LRRC26: variants seen among roughly 807,000 people sequenced by gnomAD.
LRRC26 encodes leucine-rich repeat-containing protein 26.
LRRC26 carries 17 observed loss-of-function variants against 15.3 expected under a neutral mutation model. The observed-to-expected ratio is 1.11, with a 90% CI of 0.76 to 1.66. LRRC26 has a LOEUF of 1.66. Ranked by LOEUF, LRRC26 falls within the 40% of genes most tolerant of loss-of-function variation. The pLI is 0.00. For synonymous variants in LRRC26, 301 were observed against 272.1 expected (o/e 1.11, Z -1.05); for missense variants, 573 against 501.0 (o/e 1.14, Z -1.37).
At position 137,169,709 on chromosome 9, in the gene LRRC26, C is replaced by T. The variant is rs200394432; in HGVS notation, c.235G>A (p.Asp79Asn). ...GGCAGCGCACGGACGCGGTTGTGGT[C>T]CAGCAGCAGCGCGCGCAGGCGCAGG... ...LSLRLRALLL[D>N]HNRVRALPPG... The change falls in exon 1 of 2, where the codon GAC (aspartate) becomes AAC (asparagine). Residue 79 changes from aspartate to asparagine, a missense_variant. Transcript: ENST00000371542. 1.5e-5 allele frequency: 22 copies of T among 1,473,582 alleles called. No individual in the cohort carries two copies. The highest frequency in any genetic ancestry group is 4.4e-5 in the African/African-American group (3 of 67,926). 91.3% of individuals were successfully genotyped at this position (1,473,582 alleles called of 1,614,324 possible).
At position 137,169,347 on chromosome 9, in the gene LRRC26, G is replaced by T. The variant is rs1834033806; in HGVS notation, c.597C>A (p.Arg199=). 2 of 1,461,134 alleles carry T rather than the reference G, an allele frequency of 1.4e-6. No individual in the cohort carries two copies. Among genetic ancestry groups the T allele is most frequent in the East Asian group, 5.9e-5 (2 of 33,656 alleles). 90.5% of individuals were successfully genotyped at this position (1,461,134 alleles called of 1,614,324 possible). A position where few individuals can be genotyped will look rare whatever the true frequency, so the allele number is the denominator to read the frequency against. ...RLPALDALHL[R]GNPWGCGCAL... ...CGCACCCGCAGCCCCAAGGGTTGCCGCGCAGGTGCAGCGCGTCTAGAGCGG... is the reference window on the plus strand; with the variant it reads ...CGCACCCGCAGCCCCAAGGGTTGCCTCGCAGGTGCAGCGCGTCTAGAGCGG... Residue 199 remains arginine (R), a synonymous_variant, in exon 1 of 2, where the codon CGC becomes CGA. Coordinates refer to ENST00000371542, the MANE Select transcript of LRRC26 (RefSeq NM_001013653.3).
At position 137,169,774 on chromosome 9, in the gene LRRC26, C is replaced by A; in HGVS notation, c.170G>T (p.Cys57Phe). The A allele has an allele frequency of 7.2e-7, 1 of 1,391,354 alleles. No individual in the cohort carries two copies. The highest frequency in any genetic ancestry group is 9.2e-7 in the Non-Finnish European group (1 of 1,083,886). The allele number at this position is 1,391,354 out of a possible 1,614,324, so 86.2% of individuals were successfully genotyped here. ...CACGGCGGGCAGCGAGAGTGCCGAG[C>A]AGCTGGCCAGGCCTCCCGGCACGCA... ...CTCVPGGLAS[C>F]SALSLPAVPP... is the part of the protein sequence containing the mutation. The change falls in exon 1 of 2, where the codon TGC becomes TTC. Residue 57 changes from cysteine (C) to phenylalanine (F), a missense_variant. Coordinates refer to ENST00000371542, the MANE Select transcript of LRRC26 (RefSeq NM_001013653.3).
chr9:137,169,424 G>A lies in LRRC26; in HGVS notation c.520C>T (p.Leu174=). The A allele has an allele frequency of 6.6e-7, 1 of 1,517,614 alleles. No homozygotes were observed. The highest frequency in any genetic ancestry group is 8.8e-7 in the Non-Finnish European group (1 of 1,141,952). The allele number at this position is 1,517,614 out of a possible 1,614,324, so 94.0% of individuals were successfully genotyped here. The change falls in exon 1 of 2, where the codon CTG becomes TTG. Residue 174 remains leucine (L), a synonymous_variant. Transcript: ENST00000371542. ...GALPLLRSLS[L]QDNELAALAP... is the part of the protein sequence containing the mutation. ...AGTGCCGCCAGCTCGTTGTCCTGCA[G>A]GCTGAGTGAGCGCAGCAGCGGGAGC...
At position 137,168,817 on chromosome 9, in the gene LRRC26, G is replaced by A. The variant is rs1343022578; in HGVS notation, c.*37C>T. 4 of 1,221,596 alleles carry A rather than the reference G, an allele frequency of 3.3e-6. No homozygotes were observed. The highest frequency in any genetic ancestry group is 3.1e-5 in the African/African-American group (2 of 63,710). The allele number at this position is 1,221,596 out of a possible 1,614,324, so 75.7% of individuals were successfully genotyped here. ...CAGTGTAAAGGGAGGGCAAAGGCAT[G>A]GGGGAAGCTTCGAGCGCTCCAGGCG... On this transcript the variant is annotated 3_prime_UTR_variant, in exon 2 of 2. Coordinates refer to ENST00000371542, the MANE Select transcript of LRRC26 (RefSeq NM_001013653.3).
chr9:137,169,117 C>T lies in LRRC26; in HGVS notation c.742G>A (p.Ala248Thr). 1 of 1,560,134 alleles carries T rather than the reference C, an allele frequency of 6.4e-7. No individual in the cohort carries two copies. Among genetic ancestry groups the T allele is most frequent in the South Asian group, 1.2e-5 (1 of 85,828 alleles). Residue 248 changes from alanine (A) to threonine (T), a missense_variant, in exon 2 of 2, where the codon GCC (alanine) becomes ACC (threonine). Ala to Thr is a moderately conservative substitution (Grantham distance 58). Transcript: ENST00000371542. ...TLSPLTAFSD[A>T]AFSHCAQPLA... ...GGCTGCGCGCAATGGCTAAAGGCGG[C>T]GTCGGAAAAGGCAGTCAGGGGGCTG...
At position 137,169,297 on chromosome 9, in the gene LRRC26, A is replaced by G; in HGVS notation, c.647T>C (p.Leu216Pro). 1.4e-6 allele frequency: 2 copies of G among 1,395,318 alleles called. No homozygotes were observed. Among genetic ancestry groups the G allele is most frequent in the South Asian group, 1.5e-5 (1 of 64,550 alleles). 86.4% of individuals were successfully genotyped at this position (1,395,318 alleles called of 1,614,324 possible). A position where few individuals can be genotyped will look rare whatever the true frequency, so the allele number is the denominator to read the frequency against. The part of the protein sequence containing the change: ...GCALRPLCAW[L>P]RRHPLPASEA... ...TGACGCGGGCAGCGGGTGCCGGCGC[A>G]GCCAGGCGCAGAGCGGGCGCAGCGC... Residue 216 changes from leucine to proline, a missense_variant, in exon 1 of 2, where the codon CTG becomes CCG. Coordinates refer to ENST00000371542, the MANE Select transcript of LRRC26 (RefSeq NM_001013653.3).
rs1340078272 is a variant in LRRC26 at position 137,168,816 on chromosome 9, TG to T, written c.*37del. On this transcript the variant is annotated 3_prime_UTR_variant, in exon 2 of 2. Coordinates refer to ENST00000371542, the MANE Select transcript of LRRC26 (RefSeq NM_001013653.3). ...ACAGTGTAAAGGGAGGGCAAAGGCA[TG>T]GGGGAAGCTTCGAGCGCTCCAGGCG... 2 of 1,215,892 alleles carry T rather than the reference TG, an allele frequency of 1.6e-6. No individual in the cohort carries two copies. Among genetic ancestry groups the T allele is most frequent in the Non-Finnish European group, 2.0e-6 (2 of 976,328 alleles). 75.3% of individuals were successfully genotyped at this position (1,215,892 alleles called of 1,614,324 possible).
In LRRC26 at chr9:137,168,996, G is replaced by T. The variant is rs1238745578; in HGVS notation, c.863C>A (p.Thr288Asn). The T allele has an allele frequency of 2.7e-6, 4 of 1,467,060 alleles. No individual in the cohort carries two copies. Among genetic ancestry groups the T allele is most frequent in the Non-Finnish European group, 3.6e-6 (4 of 1,114,658 alleles). 90.9% of individuals were successfully genotyped at this position (1,467,060 alleles called of 1,614,324 possible). Residue 288 changes from threonine to asparagine, a missense_variant, in exon 2 of 2, where the codon ACC (threonine) becomes AAC (asparagine). Physicochemically the swap from Thr to Asn is moderately conservative, Grantham distance 65. Transcript: ENST00000371542. Reference protein sequence around the residue: ...ASCLALGSGLTACRARRRRLR... With the variant: ...ASCLALGSGLNACRARRRRLR... ...GCGGCGGCGGCGCGCACGGCAGGCG[G>T]TGAGCCCAGAGCCCAGCGCCAGGCA...
chr9:137,169,048 C>T lies in LRRC26; in HGVS notation c.811G>A (p.Ala271Thr). The change falls in exon 2 of 2, where the codon GCC becomes ACC. Residue 271 changes from alanine to threonine, a missense_variant. Ala to Thr is a moderately conservative substitution (Grantham distance 58). Coordinates refer to ENST00000371542, the MANE Select transcript of LRRC26 (RefSeq NM_001013653.3). ...GAAGCCAGGCTGACGAGGAAGGAGG[C>T]CGGCCCGAGCGTGTAAACCACGGCC... ...DLAVVYTLGP[A>T]SFLVSLASCL... is the part of the protein sequence containing the mutation. 2 of 1,541,340 alleles carry T rather than the reference C, an allele frequency of 1.3e-6. No individual in the cohort carries two copies. The highest frequency in any genetic ancestry group is 2.0e-5 in the Admixed American group (1 of 50,518).
chr9:137,169,569 G>A lies in LRRC26; in HGVS notation c.375C>T (p.Asp125=). Residue 125 remains aspartate (D), a synonymous_variant, in exon 1 of 2, where the codon GAC becomes GAT. Transcript: ENST00000371542. ...GTGCTTCCAGCTGGTTGGCGCTCAG[G>A]TCCAGCAGCTGCAGCGCGCCCAGGC... ...FWGLGALQLL[D]LSANQLEALA... 3 of 1,524,100 alleles carry A rather than the reference G, an allele frequency of 2.0e-6. No individual in the cohort carries two copies. Among genetic ancestry groups the A allele is most frequent in the African/African-American group, 1.4e-5 (1 of 70,522 alleles). 94.4% of individuals were successfully genotyped at this position (1,524,100 alleles called of 1,614,324 possible). A position where few individuals can be genotyped will look rare whatever the true frequency, so the allele number is the denominator to read the frequency against.
In LRRC26 at chr9:137,168,970, G is replaced by A. The variant is rs1834019794; in HGVS notation, c.889C>T (p.Leu297Phe). The change falls in exon 2 of 2, where the codon CTC becomes TTC. Residue 297 changes from leucine to phenylalanine, a missense_variant. Leu to Phe is a conservative substitution (Grantham distance 22). Transcript: ENST00000371542. Reference sequence around the variant, plus strand: ...GGCGGGCGGAGGGCGGCGGTGCGGAGGCGGCGGCGGCGCGCACGGCAGGCG... The same window carrying A: ...GGCGGGCGGAGGGCGGCGGTGCGGAAGCGGCGGCGGCGCGCACGGCAGGCG... ...LTACRARRRR[L>F]RTAALRPPRP... 1.4e-6 allele frequency: 2 copies of A among 1,423,108 alleles called. No homozygotes were observed. The highest frequency in any genetic ancestry group is 1.8e-6 in the Non-Finnish European group (2 of 1,094,366). The allele number at this position is 1,423,108 out of a possible 1,614,324, so 88.2% of individuals were successfully genotyped here. A position where few individuals can be genotyped will look rare whatever the true frequency, so the allele number is the denominator to read the frequency against.
chr9:137,169,730 G>T lies in LRRC26; in HGVS notation c.214C>A (p.Arg72Ser), dbSNP rs1371979599. 1.4e-6 allele frequency: 2 copies of T among 1,450,794 alleles called. No homozygotes were observed. Among genetic ancestry groups the T allele is most frequent in the African/African-American group, 1.5e-5 (1 of 67,420 alleles). 89.9% of individuals were successfully genotyped at this position (1,450,794 alleles called of 1,614,324 possible). A position where few individuals can be genotyped will look rare whatever the true frequency, so the allele number is the denominator to read the frequency against. Residue 72 changes from arginine (R) to serine (S), a missense_variant, in exon 1 of 2, where the codon CGC (arginine) becomes AGC (serine). Transcript: ENST00000371542. ...LPAVPPGLSL[R>S]LRALLLDHNR... is the part of the protein sequence containing the mutation. ...TGGTCCAGCAGCAGCGCGCGCAGGCGCAGGCTCAGGCCCGGGGGCACGGCG... is the reference window on the plus strand; with the variant it reads ...TGGTCCAGCAGCAGCGCGCGCAGGCTCAGGCTCAGGCCCGGGGGCACGGCG...
rs1223043057 is a variant in LRRC26 at position 137,169,420 on chromosome 9, T to C, written c.524A>G (p.Gln175Arg). 3.3e-6 allele frequency: 5 copies of C among 1,516,338 alleles called. No homozygotes were observed. Among genetic ancestry groups the C allele is most frequent in the Non-Finnish European group, 4.4e-6 (5 of 1,141,406 alleles). The allele number at this position is 1,516,338 out of a possible 1,614,324, so 93.9% of individuals were successfully genotyped here. ...CGCGAGTGCCGCCAGCTCGTTGTCC[T>C]GCAGGCTGAGTGAGCGCAGCAGCGG... ...ALPLLRSLSL[Q>R]DNELAALAPG... The change falls in exon 1 of 2, where the codon CAG becomes CGG. Residue 175 changes from glutamine to arginine, a missense_variant. Transcript: ENST00000371542.
In LRRC26 at chr9:137,169,651, T is replaced by G; in HGVS notation, c.293A>C (p.Gln98Pro). The change falls in exon 1 of 2, where the codon CAG (glutamine) becomes CCG (proline). Residue 98 changes from glutamine (Q) to proline (P), a missense_variant. By Grantham distance (76) the Gln-to-Pro change is moderately conservative. Coordinates refer to ENST00000371542, the MANE Select transcript of LRRC26 (RefSeq NM_001013653.3). ...CCCGTTCTCGCGCAGGTCCAGGCGCTGTAGCGCGCCCGCTCCCGCGAAGGC... is the reference window on the plus strand; with the variant it reads ...CCCGTTCTCGCGCAGGTCCAGGCGCGGTAGCGCGCCCGCTCCCGCGAAGGC... ...PGAFAGAGAL[Q>P]RLDLRENGLH... The G allele has an allele frequency of 6.6e-7, 1 of 1,503,876 alleles. No homozygotes were observed. The highest frequency in any genetic ancestry group is 1.2e-5 in the South Asian group (1 of 80,216). 93.2% of individuals were successfully genotyped at this position (1,503,876 alleles called of 1,614,324 possible).
chr9:137,169,734 G>A lies in LRRC26; in HGVS notation c.210C>T (p.Ser70=), dbSNP rs1325470451. The A allele has an allele frequency of 6.9e-7, 1 of 1,440,922 alleles. No individual in the cohort carries two copies. Among genetic ancestry groups the A allele is most frequent in the South Asian group, 1.4e-5 (1 of 69,912 alleles). 89.3% of individuals were successfully genotyped at this position (1,440,922 alleles called of 1,614,324 possible). The change falls in exon 1 of 2, where the codon AGC becomes AGT. Residue 70 remains serine (S), a synonymous_variant. Coordinates refer to ENST00000371542, the MANE Select transcript of LRRC26 (RefSeq NM_001013653.3). ...CCAGCAGCAGCGCGCGCAGGCGCAG[G>A]CTCAGGCCCGGGGGCACGGCGGGCA... The part of the protein sequence containing the change: ...LSLPAVPPGL[S]LRLRALLLDH...
rs775835642 is a variant in LRRC26, at chr9:137,168,977, G to A, written c.882C>T (p.Arg294=). The A allele has an allele frequency of 7.0e-7, 1 of 1,435,300 alleles. No homozygotes were observed. Among genetic ancestry groups the A allele is most frequent in the East Asian group, 3.0e-5 (1 of 33,042 alleles). The allele number at this position is 1,435,300 out of a possible 1,614,324, so 88.9% of individuals were successfully genotyped here. Residue 294 remains arginine, a synonymous_variant, in exon 2 of 2, where the codon CGC becomes CGT. Transcript: ENST00000371542. ...GGAGGGCGGCGGTGCGGAGGCGGCG[G>A]CGGCGCGCACGGCAGGCGGTGAGCC... is the stretch of plus-strand genomic sequence containing the variant. The part of the protein sequence containing the change: ...GSGLTACRAR[R]RRLRTAALRP...
Position 137,169,999 on chromosome 9 carries a change from C to T in LRRC26, c.-56G>A. 7.3e-7 allele frequency: 1 copy of T among 1,371,688 alleles called. No individual in the cohort carries two copies. The highest frequency in any genetic ancestry group is 9.3e-7 in the Non-Finnish European group (1 of 1,071,550). The allele number at this position is 1,371,688 out of a possible 1,614,324, so 85.0% of individuals were successfully genotyped here. A position where few individuals can be genotyped will look rare whatever the true frequency, so the allele number is the denominator to read the frequency against. ...GGTGGGAGGCCCGCTGCCTGTGCGT[C>T]CCTGGAGCCCGTCGTCCGCGGAGCC... is the stretch of plus-strand genomic sequence containing the variant. On this transcript the variant is annotated 5_prime_UTR_variant, in exon 1 of 2. Transcript: ENST00000371542.
Position 137,169,989 on chromosome 9 carries a change from G to T in LRRC26, c.-46C>A, listed in dbSNP as rs1427342316. The T allele has an allele frequency of 9.4e-6, 13 of 1,381,206 alleles. No individual in the cohort carries two copies. The highest frequency in any genetic ancestry group is 1.6e-5 in the South Asian group (1 of 61,256). 85.6% of individuals were successfully genotyped at this position (1,381,206 alleles called of 1,614,324 possible). Reference sequence around the variant, plus strand: ...CGGCACCCGCGGTGGGAGGCCCGCTGCCTGTGCGTCCCTGGAGCCCGTCGT... The same window carrying T: ...CGGCACCCGCGGTGGGAGGCCCGCTTCCTGTGCGTCCCTGGAGCCCGTCGT... On this transcript the variant is annotated 5_prime_UTR_variant, in exon 1 of 2. Coordinates refer to ENST00000371542, the MANE Select transcript of LRRC26 (RefSeq NM_001013653.3).
Position 137,168,847 on chromosome 9 carries a change from C to T in LRRC26, c.*7G>A, listed in dbSNP as rs1287928343. ...AAGCTTCGAGCGCTCCAGGCGGCCG[C>T]GGCCGCTCAGGCTTGGGCGGCAGCG... On this transcript the variant is annotated 3_prime_UTR_variant, in exon 2 of 2. Transcript: ENST00000371542. 1.2e-5 allele frequency: 15 copies of T among 1,233,956 alleles called. No homozygotes were observed. The highest frequency in any genetic ancestry group is 4.0e-5 in the South Asian group (1 of 24,992). 76.4% of individuals were successfully genotyped at this position (1,233,956 alleles called of 1,614,324 possible). A position where few individuals can be genotyped will look rare whatever the true frequency, so the allele number is the denominator to read the frequency against.
Sources: gnomAD v4.1 joint callset for allele counts on GRCh38, gnomAD v4.1.1 for gene constraint, MANE v1.5 for transcripts, NCBI Gene and HGNC (gene_info 2026-07-23, HGNC 2026-07-21) for gene names.